Variants in NEBL observed in about 807,000 individuals in gnomAD.
NEBL encodes LIM and SH3 protein 2.
Under a neutral mutation model 140.2 loss-of-function variants are expected in NEBL, and 122 were observed. That is an observed-to-expected ratio of 0.87 (90% CI 0.75 to 1.01). The LOEUF is 1.01. NEBL is among the 50% of genes least tolerant of loss of function. The pLI is 0.00. For synonymous variants in NEBL, 436 were observed against 398.9 expected (o/e 1.09, Z -1.11); for missense variants, 1,365 against 1,231.3 (o/e 1.11, Z -1.62).
intron 2 of NEBL, among the ~76,000 whole-genome samples, chr10:21,031,734 C>T (rs191235000): frequency 2.3e-4 from 35 of 152,268 alleles, no homozygotes; most frequent in East Asian, 1.5e-3. Flanking sequence ...TCTTTCCCAC[C>T]GGGAGCCCAA....
At chr10:20,922,333 G>A (rs1033256260) in intron 4 of NEBL, among the ~76,000 whole-genome samples, 5 of 152,166 alleles carry the variant, frequency 3.3e-5, no homozygotes, top group African/African-American at 1.2e-4. Context: ...AATGCACTAA[G>A]TGCTTCAGAA....
At chr10:20,786,623 G>A (rs1344516240) in intron 27 of NEBL, among the ~76,000 whole-genome samples, 2 of 152,180 alleles carry the variant, frequency 1.3e-5, no homozygotes, top group Admixed American at 1.3e-4. Context: ...AGCAATTCAA[G>A]TTACCGGACA....
chr10:20,938,637 C>T (rs1390792619), intron 4 of NEBL, among the ~76,000 whole-genome samples: 3 of 152,106 alleles, frequency 2.0e-5, no homozygotes, highest in Non-Finnish European at 4.4e-5. Flanking sequence ...AATCAAACTA[C>T]TCTGAGCTAA....
chr10:21,246,933 G>A (rs1316789615), intron 3 of NEBL, among the ~76,000 whole-genome samples: 4 of 152,296 alleles, frequency 2.6e-5, no homozygotes, highest in South Asian at 2.1e-4. Flanking sequence ...AGTGTTGGGG[G>A]AGGAACATGG....
At chr10:20,937,675 A>T (rs1834571705) in intron 4 of NEBL, among the ~76,000 whole-genome samples, 1 of 152,116 alleles carries the variant, frequency 6.6e-6, no homozygotes, top group South Asian at 2.1e-4. Context: ...GGGGTCAGGG[A>T]ATTCCCTTTC....
At chr10:20,907,912 A>C (rs78773557) in intron 4 of NEBL, among the ~76,000 whole-genome samples, 237 of 152,344 alleles carry the variant, frequency 1.6e-3, no homozygotes, top group African/African-American at 5.3e-3. Flanking sequence ...ACTGTTGTGC[A>C]GAATGATATT....
chr10:20,868,564 C>A, intron 7 of NEBL, 100 bp downstream of exon 7: 5 of 882,730 alleles, frequency 5.7e-6, no homozygotes, highest in Non-Finnish European at 7.8e-6. Context: ...TCTGTTTATT[C>A]TTGCAATTAA....
At position 20,824,058 on chromosome 10, in the gene NEBL, C is replaced by T. The variant is rs577365046; in HGVS notation, c.1870-758G>A. On this transcript the variant is annotated intron_variant, in intron 18 of 27. Transcript: ENST00000377122. Reference sequence around the variant, plus strand: ...GGTAATACAAGCATACAGTTATGCACGGGACAAGAAAGAGTTCTTTGAACT... The same window carrying T: ...GGTAATACAAGCATACAGTTATGCATGGGACAAGAAAGAGTTCTTTGAACT... 9.9e-5 allele frequency among the ~76,000 whole-genome samples: 15 copies of T among 152,056 alleles called. No individual in the cohort carries two copies. The South Asian group carries it at 1.5e-3, about 15-fold the overall frequency.
chr10:21,217,579 T>C (rs943558123), intron 3 of NEBL, among the ~76,000 whole-genome samples: 1 of 152,196 alleles, frequency 6.6e-6, no homozygotes, highest in Non-Finnish European at 1.5e-5. Flanking sequence ...GCCACACAAC[T>C]GTGGATTCAA....
chr10:21,083,167 C>CCTTAAAGATT (rs1329061232), intron 2 of NEBL, among the ~76,000 whole-genome samples: 1 of 152,160 alleles, frequency 6.6e-6, no homozygotes, highest in African/African-American at 2.4e-5. Flanking sequence ...GGTATAAAAG[C>CCTTAAAGATT]CTTAAAGATT....
intron 4 of NEBL, among the ~76,000 whole-genome samples, chr10:20,959,771 C>G (rs966963458): frequency 3.3e-5 from 5 of 151,538 alleles, no homozygotes; most frequent in African/African-American, 1.2e-4. Context: ...ATTAAGACAT[C>G]GCAAAAAGTT....
At chr10:21,169,946 A>G (rs73609217) in intron 2 of NEBL, among the ~76,000 whole-genome samples, 4,077 of 152,306 alleles carry the variant, frequency 0.027, 177 homozygotes, top group African/African-American at 0.088. Flanking sequence ...TTTCTTTTTC[A>G]TAAGTAGAAT....
chr10:20,833,208 A>G (rs1447564032), intron 14 of NEBL, among the ~76,000 whole-genome samples: 1 of 152,206 alleles, frequency 6.6e-6, no homozygotes, highest in Non-Finnish European at 1.5e-5. Flanking sequence ...CCAAGAGGGC[A>G]AACCCTAATG....
intron 2 of NEBL, among the ~76,000 whole-genome samples, chr10:21,037,043 C>T (rs140991490): frequency 8.9e-4 from 136 of 152,220 alleles, no homozygotes; most frequent in African/African-American, 3.1e-3. Flanking sequence ...CCCCTGGCCA[C>T]GCACAGCACT....
chr10:20,958,465 C>T (rs1278121245), intron 4 of NEBL, among the ~76,000 whole-genome samples: 1 of 152,150 alleles, frequency 6.6e-6, no homozygotes, highest in African/African-American at 2.4e-5. Context: ...TTCAACAAAA[C>T]CTGGACTTCT....
chr10:21,123,112 G>A (rs556487714), intron 2 of NEBL, among the ~76,000 whole-genome samples: 3 of 152,238 alleles, frequency 2.0e-5, no homozygotes, highest in African/African-American at 7.2e-5. Context: ...TCTACAGGTG[G>A]CCTGGAAAGT....
intron 3 of NEBL, among the ~76,000 whole-genome samples, chr10:21,018,407 C>T (rs187295888): frequency 6.6e-6 from 1 of 152,168 alleles, no homozygotes; most frequent in East Asian, 1.9e-4. Context: ...ATTCTGGTAC[C>T]CCTGGGGGTG....
chr10:21,177,383 A>G (rs1841317883), upstream of NEBL, among the ~76,000 whole-genome samples: 1 of 152,210 alleles, frequency 6.6e-6, no homozygotes, highest in Admixed American at 6.5e-5. Context: ...AATTGTTATA[A>G]GTCACTGAGA....
chr10:21,063,827 G>A (rs934524226), intron 2 of NEBL, among the ~76,000 whole-genome samples: 10 of 152,194 alleles, frequency 6.6e-5, no homozygotes, highest in East Asian at 1.9e-4. Flanking sequence ...CCAAGGTCAC[G>A]CCACTGCACT....
Sources: allele counts gnomAD v4.1 joint callset (sites outside exome capture counted in the v4.1 genomes callset), GRCh38; gene constraint gnomAD v4.1.1; transcripts MANE v1.5; gene names NCBI Gene and HGNC (gene_info 2026-07-23, HGNC 2026-07-21).